PCNX1: variants seen among roughly 807,000 people sequenced by gnomAD.
PCNX1 encodes the protein pecanex-like protein 1.
Under a neutral mutation model 242.2 loss-of-function variants are expected in PCNX1, and 78 were observed. The observed-to-expected ratio is 0.32, with a 90% CI of 0.27 to 0.39. PCNX1 has a LOEUF of 0.39. PCNX1 is among the 10% of genes least tolerant of loss of function. The probability of loss-of-function intolerance (pLI) is 1.00; values close to 1 mark genes in which losing one functional copy is unlikely to be tolerated. For synonymous variants in PCNX1, 1,024 were observed against 1,032.9 expected (o/e 0.99, Z 0.17); for missense variants, 2,581 against 2,856.5 (o/e 0.90, Z 2.20).
chr14:70,916,860 G>A (rs946814787), intron 1 of PCNX1, among the ~76,000 whole-genome samples: 6 of 152,124 alleles, frequency 3.9e-5, no homozygotes, highest in African/African-American at 1.2e-4. Flanking sequence ...GCTTGATAGC[G>A]TTTTACCCAC....
rs758181078 is a variant in PCNX1 at position 71,051,168 on chromosome 14, CAAAAAAAAAA to C, written c.4447+429_4447+438del. Among the ~76,000 whole-genome samples, 127 of 41,786 alleles carry C rather than the reference CAAAAAAAAAA, an allele frequency of 3.0e-3. 3 individuals carry two copies. The East Asian group carries it at 0.076, about 25-fold the overall frequency. The allele number at this position is 41,786 out of a possible 152,430, so 27.4% of individuals were successfully genotyped here. ...GGGCAACGAGAGCAAAACTCTGTCT[CAAAAAAAAAA>C]AAAAAAAAAAAAAAAAAAAATCATA... is the stretch of plus-strand genomic sequence containing the variant. On this transcript the variant is annotated intron_variant, in intron 23 of 35. Coordinates refer to ENST00000304743, the MANE Select transcript of PCNX1 (RefSeq NM_014982.3).
chr14:71,034,096 A>G (rs1367281396), intron 18 of PCNX1, 60 bp downstream of exon 18: 1 of 867,392 alleles, frequency 1.2e-6, no homozygotes, highest in Non-Finnish European at 1.9e-6. Context: ...TGATCATGTT[A>G]TATGAGGAAC....
At chr14:71,031,903 A>G (rs2060396679) in intron 16 of PCNX1, 2 of 1,446,958 alleles carry the variant, frequency 1.4e-6, no homozygotes, top group Admixed American at 1.7e-5. Context: ...AGCAGCCATC[A>G]GGGACAGAGC....
intron 26 of PCNX1, among the ~76,000 whole-genome samples, chr14:71,057,958 G>T (rs556490981): frequency 1.3e-5 from 2 of 152,138 alleles, no homozygotes; most frequent in South Asian, 2.1e-4. Context: ...GTGTGTAATT[G>T]ATTTGTTTTC....
intron 28 of PCNX1, 82 bp downstream of exon 28, chr14:71,076,501 T>G: frequency 1.2e-6 from 1 of 865,328 alleles, no homozygotes; most frequent in Non-Finnish European, 1.8e-6. Context: ...TCTTATGAGG[T>G]CAGTTTTTCA....
intron 8 of PCNX1, among the ~76,000 whole-genome samples, chr14:71,005,921 C>CT (rs372502839): frequency 0.068 from 9,135 of 134,834 alleles, 384 homozygotes; most frequent in African/African-American, 0.12. Context: ...GGTATCTTAA[C>CT]TTTTTTTTTT....
At position 71,060,381 on chromosome 14, in the gene PCNX1, GA is replaced by G. The variant is rs367782354; in HGVS notation, c.4852+2665del. On this transcript the variant is annotated intron_variant, in intron 26 of 35. Transcript: ENST00000304743. ...GGTTAGAATGTACTCCTTGTACTTA[GA>G]AAAAAAAGTTTACTTTAGAACAGTA... is the stretch of plus-strand genomic sequence containing the variant. Among the ~76,000 whole-genome samples the G allele has an allele frequency of 8.7e-3, 1,327 of 151,966 alleles. 27 individuals carry two copies. The highest frequency in any genetic ancestry group is 0.03 in the African/African-American group (1,247 of 41,452).
chr14:70,947,500 T>C lies in PCNX1; in HGVS notation c.362+377T>C, dbSNP rs1218807076. On this transcript the variant is annotated intron_variant, in intron 2 of 35. Coordinates refer to ENST00000304743, the MANE Select transcript of PCNX1 (RefSeq NM_014982.3). ...TATAATTTCTTACGCCTGTCTTTAC[T>C]GCAGTCTCTGAACATAAATTGTGAA... is the stretch of plus-strand genomic sequence containing the variant. 5.9e-5 allele frequency among the ~76,000 whole-genome samples: 9 copies of C among 152,246 alleles called. No individual in the cohort carries two copies. In the East Asian group the frequency reaches 1.7e-3, roughly 29 times the overall value.
In PCNX1 at chr14:70,981,205, T is replaced by C. The variant is rs1295736524; in HGVS notation, c.2311+2557T>C. Among the ~76,000 whole-genome samples, 4 of 152,160 alleles carry C rather than the reference T, an allele frequency of 2.6e-5. No individual in the cohort carries two copies. In the South Asian group the frequency reaches 8.3e-4, roughly 31 times the overall value. ...AAGGAGTTAAGTTCCTGGCACACAG[T>C]AAATGCTTACTAGTGCTGCTGTGAC... On this transcript the variant is annotated intron_variant, in intron 6 of 35. Transcript: ENST00000304743.
At chr14:70,971,837 G>A (rs1246984108) in intron 5 of PCNX1, among the ~76,000 whole-genome samples, 1 of 152,196 alleles carries the variant, frequency 6.6e-6, no homozygotes, top group Non-Finnish European at 1.5e-5. Context: ...ATGCCTGTCA[G>A]GTTTGAGAAA....
chr14:71,095,843 A>T lies in PCNX1; in HGVS notation c.5590-6147A>T, dbSNP rs184569389. Among the ~76,000 whole-genome samples, 10 of 152,310 alleles carry T rather than the reference A, an allele frequency of 6.6e-5. No individual in the cohort carries two copies. The East Asian group carries it at 1.9e-3, about 29-fold the overall frequency. ...AGATGAAACATTTTCCACTTTGGGC[A>T]TGCCTGATAATTTCCAGCTTTTTGT... On this transcript the variant is annotated intron_variant, in intron 30 of 35. Coordinates refer to ENST00000304743, the MANE Select transcript of PCNX1 (RefSeq NM_014982.3).
intron 30 of PCNX1, among the ~76,000 whole-genome samples, chr14:71,097,876 T>C (rs1476955956): frequency 6.6e-6 from 1 of 152,232 alleles, no homozygotes; most frequent in East Asian, 1.9e-4. Flanking sequence ...CAACATGGTG[T>C]TTCCTAGATT....
chr14:71,048,633 G>A (rs1457124565), intron 22 of PCNX1, among the ~76,000 whole-genome samples: 1 of 152,112 alleles, frequency 6.6e-6, no homozygotes, highest in Non-Finnish European at 1.5e-5. Context: ...ACATACAAAG[G>A]ACTTTGACAT....
intron 24 of PCNX1, chr14:71,053,225 T>C: frequency 2.2e-6 from 1 of 451,310 alleles, no homozygotes; most frequent in Admixed American, 2.4e-5. Context: ...CTGCAGTTCT[T>C]AACTTTTTGG....
At chr14:70,931,919 T>C (rs1444006057) in intron 1 of PCNX1, among the ~76,000 whole-genome samples, 16 of 152,010 alleles carry the variant, frequency 1.1e-4, no homozygotes. Context: ...AGGTCGGGAG[T>C]TCCAGACCAG....
chr14:71,029,072 A>G (rs1298608314), intron 16 of PCNX1, among the ~76,000 whole-genome samples: 2 of 152,150 alleles, frequency 1.3e-5, no homozygotes, highest in Non-Finnish European at 2.9e-5. Flanking sequence ...AAGGGTAGGC[A>G]TAGTAATTAC....
chr14:71,105,200 G>T (rs751866333), intron 32 of PCNX1, 35 bp from the exon 33 acceptor site: 2 of 1,505,708 alleles, frequency 1.3e-6, no homozygotes, highest in Admixed American at 1.7e-5. Flanking sequence ...AAGTGATCTT[G>T]GAATAATGCT....
intron 9 of PCNX1, 123 bp downstream of exon 9, chr14:71,009,847 C>A: frequency 2.1e-6 from 1 of 468,632 alleles, no homozygotes. Flanking sequence ...TGTTAATTGA[C>A]AAATAAAAAT....
intron 2 of PCNX1, among the ~76,000 whole-genome samples, chr14:70,957,721 G>A (rs1402502100): frequency 1.3e-5 from 2 of 152,118 alleles, no homozygotes; most frequent in South Asian, 2.1e-4. Context: ...TAATGAATAC[G>A]TTAAAAACCA....
Sources: allele counts gnomAD v4.1 joint callset (sites outside exome capture counted in the v4.1 genomes callset), GRCh38; gene constraint gnomAD v4.1.1; transcripts MANE v1.5; gene names NCBI Gene and HGNC (gene_info 2026-07-23, HGNC 2026-07-21).